Variants in CACNA2D3 observed in about 807,000 individuals in gnomAD.
CACNA2D3 encodes the protein calcium voltage-gated channel auxiliary subunit alpha2delta 3.
In CACNA2D3, 60 loss-of-function variants were observed where a neutral mutation model predicts 160.6. The ratio of observed to expected loss-of-function variants is 0.37; its 90% CI spans 0.30 to 0.46. The LOEUF (loss-of-function observed/expected upper bound fraction) is 0.46. Ranked by LOEUF, CACNA2D3 falls within the 20% of genes least tolerant of loss-of-function variation. The probability of loss-of-function intolerance (pLI) is 1.00; values close to 1 mark genes in which losing one functional copy is unlikely to be tolerated. For missense variants in CACNA2D3, 1,205 were observed against 1,365.0 expected (o/e 0.88, Z 1.85); for synonymous variants, 558 against 492.9 (o/e 1.13, Z -1.75).
intron 2 of CACNA2D3, among the ~76,000 whole-genome samples, chr3:54,201,813 TG>T (rs1701184369): frequency 6.6e-6 from 1 of 152,210 alleles, no homozygotes; most frequent in African/African-American, 2.4e-5. Context: ...TAAAATAAGT[TG>T]GACAAAGGTA....
intron 2 of CACNA2D3, among the ~76,000 whole-genome samples, chr3:54,214,102 T>C (rs956425043): frequency 6.6e-6 from 1 of 152,184 alleles, no homozygotes; most frequent in Non-Finnish European, 1.5e-5. Context: ...TCAGAGCATC[T>C]CGTGGTGACT....
intron 2 of CACNA2D3, among the ~76,000 whole-genome samples, chr3:54,154,506 G>A (rs1700207814): frequency 1.3e-5 from 2 of 150,442 alleles, no homozygotes; most frequent in African/African-American, 4.9e-5. Context: ...TCTTTTCCAT[G>A]CCGCAAACGC....
intron 4 of CACNA2D3, among the ~76,000 whole-genome samples, chr3:54,456,256 G>A (rs1219986278): frequency 6.6e-6 from 1 of 151,826 alleles, no homozygotes; most frequent in East Asian, 1.9e-4. Context: ...AGACTTCCTT[G>A]TAGAGATCTT....
intron 2 of CACNA2D3, among the ~76,000 whole-genome samples, chr3:54,306,733 TGA>T (rs1389780499): frequency 6.6e-6 from 1 of 152,178 alleles, no homozygotes; most frequent in Non-Finnish European, 1.5e-5. Context: ...GATTGGAGGC[TGA>T]GTGTGTGGTG....
intron 5 of CACNA2D3, among the ~76,000 whole-genome samples, chr3:54,512,762 T>C (rs369902405): frequency 7.6e-4 from 116 of 152,352 alleles, no homozygotes; most frequent in African/African-American, 2.7e-3. Flanking sequence ...GGAAGCTTGG[T>C]GTCTATGTCA....
At chr3:54,997,144 A>G (rs1309990736) in intron 31 of CACNA2D3, among the ~76,000 whole-genome samples, 1 of 152,190 alleles carries the variant, frequency 6.6e-6, no homozygotes, top group Non-Finnish European at 1.5e-5. Flanking sequence ...CACATTCTGC[A>G]CATGTATCCC....
At chr3:54,751,474 C>T (rs1479313270) in intron 11 of CACNA2D3, among the ~76,000 whole-genome samples, 3 of 151,748 alleles carry the variant, frequency 2.0e-5, no homozygotes, top group Non-Finnish European at 4.4e-5. Flanking sequence ...TTTTTAATCT[C>T]TTCATGTATT....
At chr3:54,643,018 C>T (rs914119624) in intron 11 of CACNA2D3, among the ~76,000 whole-genome samples, 1 of 152,158 alleles carries the variant, frequency 6.6e-6, no homozygotes, top group Non-Finnish European at 1.5e-5. Context: ...TGGTCACTGT[C>T]TCACCTAAAT....
intron 9 of CACNA2D3, among the ~76,000 whole-genome samples, chr3:54,591,696 C>A (rs1488042947): frequency 1.3e-5 from 2 of 150,316 alleles, no homozygotes; most frequent in African/African-American, 4.9e-5. Flanking sequence ...TTATCTGAGT[C>A]CAGGGTTGGC....
intron 2 of CACNA2D3, among the ~76,000 whole-genome samples, chr3:54,175,392 G>A (rs923369323): frequency 6.6e-6 from 1 of 151,926 alleles, no homozygotes; most frequent in Non-Finnish European, 1.5e-5. Flanking sequence ...CGAGGCGGGC[G>A]GGTCATGAGA....
chr3:54,990,718 A>G (rs1057325917), intron 31 of CACNA2D3, among the ~76,000 whole-genome samples: 10 of 152,102 alleles, frequency 6.6e-5, no homozygotes, highest in African/African-American at 2.4e-4. Flanking sequence ...TCTGGGTGAC[A>G]GCAGACCTCT....
intron 5 of CACNA2D3, among the ~76,000 whole-genome samples, chr3:54,526,735 G>A (rs1171314381): frequency 2.0e-5 from 3 of 152,064 alleles, no homozygotes; most frequent in African/African-American, 7.2e-5. Flanking sequence ...CTGTTGCCCT[G>A]GCTGGAGTTC....
intron 2 of CACNA2D3, among the ~76,000 whole-genome samples, chr3:54,181,905 G>A (rs2107323603): frequency 6.6e-6 from 1 of 152,204 alleles, no homozygotes; most frequent in Non-Finnish European, 1.5e-5. Context: ...CACATAATAA[G>A]CTGTCAGAAC....
chr3:54,924,657 A>T, intron 27 of CACNA2D3: 1 of 1,614,134 alleles, frequency 6.2e-7, no homozygotes, highest in Non-Finnish European at 8.5e-7. Context: ...TTTAAGACCG[A>T]GCAAGTGGCA....
chr3:54,486,288 T>G (rs1456993507), intron 4 of CACNA2D3, among the ~76,000 whole-genome samples: 1 of 152,180 alleles, frequency 6.6e-6, no homozygotes, highest in Non-Finnish European at 1.5e-5. Flanking sequence ...CACTTCCATA[T>G]CTTAAGATAA....
intron 2 of CACNA2D3, among the ~76,000 whole-genome samples, chr3:54,278,482 C>A (rs571508936): frequency 6.3e-4 from 96 of 152,296 alleles, no homozygotes; most frequent in African/African-American, 2.2e-3. Flanking sequence ...AATCCCATTA[C>A]TGGGTGTATA....
At chr3:54,233,524 T>G (rs1049628490) in intron 2 of CACNA2D3, among the ~76,000 whole-genome samples, 4 of 152,218 alleles carry the variant, frequency 2.6e-5, no homozygotes, top group African/African-American at 4.8e-5. Flanking sequence ...CCTTTTTGGC[T>G]TCTGTGGCCT....
In CACNA2D3 at chr3:54,250,043, T is replaced by G. The variant is rs527562612; in HGVS notation, c.205-70399T>G. Among the ~76,000 whole-genome samples, 12 of 152,314 alleles carry G rather than the reference T, an allele frequency of 7.9e-5. No homozygotes were observed. In the East Asian group the frequency reaches 2.3e-3, roughly 29 times the overall value. ...TCTCTGAATCATTATGTGCTTTTCG[T>G]GTGAAGTCTGATAGACTTGATGGAA... is the stretch of plus-strand genomic sequence containing the variant. On this transcript the variant is annotated intron_variant, in intron 2 of 37. Coordinates refer to ENST00000474759, the MANE Select transcript of CACNA2D3 (RefSeq NM_018398.3).
chr3:54,843,243 G>A (rs1193305387), intron 16 of CACNA2D3, among the ~76,000 whole-genome samples: 1 of 152,186 alleles, frequency 6.6e-6, no homozygotes, highest in Non-Finnish European at 1.5e-5. Context: ...TTACAGGCAT[G>A]AGCTACTGTG....
Sources: gnomAD v4.1 joint callset for allele counts (sites outside exome capture counted in the v4.1 genomes callset) on GRCh38, gnomAD v4.1.1 for gene constraint, MANE v1.5 for transcripts, NCBI Gene and HGNC (gene_info 2026-07-23, HGNC 2026-07-21) for gene names.